USP25: variants seen among roughly 807,000 people sequenced by gnomAD.
The protein encoded by USP25 is ubiquitin specific peptidase 25, also known as ubiquitin carboxyl-terminal hydrolase 25.
In USP25, 85 loss-of-function variants were observed where a neutral mutation model predicts 158.5. The observed-to-expected ratio is 0.54, with a 90% CI of 0.45 to 0.64. USP25 has a LOEUF of 0.64. USP25 is among the 30% of genes least tolerant of loss of function. The pLI is 0.00. For missense variants in USP25, 1,242 were observed against 1,327.3 expected, an observed-to-expected ratio of 0.94 and a Z score of 1.00; for synonymous variants, 464 against 460.4, an observed-to-expected ratio of 1.01 and a Z score of -0.10.
chr21:15,827,212 T>G lies in USP25; in HGVS notation c.1693+9T>G, dbSNP rs762633516. On this transcript the variant is annotated intron_variant, in intron 14 of 25. Transcript: ENST00000400183. ...AGAAAATGACACCAGAGGTAAGAAG[T>G]GTCTCATAGCATGGTTACTGTCACC... is the stretch of plus-strand genomic sequence containing the variant. The G allele has an allele frequency of 6.2e-7, 1 of 1,609,236 alleles. No homozygotes were observed. The highest frequency in any genetic ancestry group is 8.5e-7 in the Non-Finnish European group (1 of 1,175,868).
chr21:15,800,409 TA>T (rs1378397412), intron 6 of USP25, among the ~76,000 whole-genome samples: 6 of 151,138 alleles, frequency 4.0e-5, no homozygotes, highest in African/African-American at 1.5e-4. Flanking sequence ...TCATATATAA[TA>T]ATAGTAATTA....
intron 17 of USP25, among the ~76,000 whole-genome samples, chr21:15,838,596 C>T (rs1195573172): frequency 1.3e-5 from 2 of 152,124 alleles, no homozygotes; most frequent in Non-Finnish European, 2.9e-5. Flanking sequence ...CTAAGCGTGG[C>T]TCTTTGTAGG....
rs921776401 is a variant in USP25 at position 15,730,301 on chromosome 21, C to T, written c.-93C>T. ...GTCCTCCCAGGCCGTCCGCGCCGCT[C>T]CCTGGAGCTCGGCGGAGCGCGGCAG... is the stretch of plus-strand genomic sequence containing the variant. On this transcript the variant is annotated 5_prime_UTR_variant, in exon 1 of 26. Transcript: ENST00000400183. 9.0e-5 allele frequency: 91 copies of T among 1,011,892 alleles called. No homozygotes were observed. Among genetic ancestry groups the T allele is most frequent in the Non-Finnish European group, 1.1e-4 (90 of 848,348 alleles). 62.7% of individuals were successfully genotyped at this position (1,011,892 alleles called of 1,614,324 possible).
At chr21:15,858,705 G>T (rs2039276113) in intron 20 of USP25, among the ~76,000 whole-genome samples, 1 of 151,908 alleles carries the variant, frequency 6.6e-6, no homozygotes, top group African/African-American at 2.4e-5. Flanking sequence ...TGAAATAATG[G>T]TAGTAGGTGC....
intron 4 of USP25, among the ~76,000 whole-genome samples, chr21:15,779,012 A>G (rs1189412857): frequency 3.3e-5 from 5 of 152,132 alleles, no homozygotes; most frequent in Admixed American, 1.3e-4. Context: ...AGAGATTACT[A>G]TATGGTAGGA....
chr21:15,805,863 G>A (rs953854244), intron 7 of USP25, among the ~76,000 whole-genome samples: 2 of 152,162 alleles, frequency 1.3e-5, no homozygotes, highest in Non-Finnish European at 2.9e-5. Context: ...AAAGATAGCG[G>A]CAATGTGTAA....
intron 7 of USP25, among the ~76,000 whole-genome samples, chr21:15,806,201 A>G (rs1304737618): frequency 6.6e-6 from 1 of 152,204 alleles, no homozygotes; most frequent in African/African-American, 2.4e-5. Context: ...CACTAACACA[A>G]ATCAAAAGAA....
In USP25 at chr21:15,826,967, T is replaced by G; in HGVS notation, c.1467-10T>G. 13 of 1,612,476 alleles carry G rather than the reference T, an allele frequency of 8.1e-6. No individual in the cohort carries two copies. Among genetic ancestry groups the G allele is most frequent in the Non-Finnish European group, 1.1e-5 (13 of 1,179,884 alleles). ...AAGGTTAATAAGAAATACTCTATGC[T>G]TTGATACAGCACAACAGAACAACAG... On this transcript the variant is annotated splice_polypyrimidine_tract_variant and intron_variant, in intron 13 of 25. Transcript: ENST00000400183. This position sits in a 1 kb window ranked among gnomAD's most constrained non-coding sequence, Gnocchi z 4.8.
At chr21:15,820,774 C>T (rs566897174) in intron 10 of USP25, among the ~76,000 whole-genome samples, 2 of 151,812 alleles carry the variant, frequency 1.3e-5, no homozygotes, top group Non-Finnish European at 2.9e-5. Context: ...TAGCTTTTTC[C>T]TCAATCTATT....
chr21:15,806,796 A>T (rs1294425922), intron 7 of USP25, among the ~76,000 whole-genome samples: 1 of 152,174 alleles, frequency 6.6e-6, no homozygotes, highest in African/African-American at 2.4e-5. Flanking sequence ...TGATTTTTTT[A>T]AAAGTGAATT....
At chr21:15,878,030 G>A (rs772685469) in intron 25 of USP25, 39 bp downstream of exon 25, 38 of 1,495,596 alleles carry the variant, frequency 2.5e-5, no homozygotes, top group South Asian at 5.0e-5. Context: ...TGAGATGTCC[G>A]GATTAAATGC....
chr21:15,838,567 A>G (rs1223539476), intron 17 of USP25, among the ~76,000 whole-genome samples: 1 of 152,130 alleles, frequency 6.6e-6, no homozygotes, highest in African/African-American at 2.4e-5. Flanking sequence ...AAATTCCACC[A>G]GCGATTCTAT....
At chr21:15,854,077 G>A (rs1257704272) in intron 20 of USP25, among the ~76,000 whole-genome samples, 1 of 152,008 alleles carries the variant, frequency 6.6e-6, no homozygotes, top group Non-Finnish European at 1.5e-5. Context: ...ATTAGATATA[G>A]TATTTTTAAA....
chr21:15,866,202 A>T (rs985894210), intron 21 of USP25, 64 bp from the exon 22 acceptor site: 12 of 895,602 alleles, frequency 1.3e-5, no homozygotes, highest in Middle Eastern at 3.9e-4. Context: ...TTGATTTACA[A>T]ATATATATAT....
chr21:15,874,313 G>A (rs2040013151), intron 23 of USP25, 90 bp from the exon 24 acceptor site: 1 of 1,173,524 alleles, frequency 8.5e-7, no homozygotes, highest in Admixed American at 2.5e-5. Flanking sequence ...CAAAACTTAA[G>A]CATATACTTA....
intron 17 of USP25, among the ~76,000 whole-genome samples, chr21:15,837,478 A>G (rs2038112541): frequency 6.6e-6 from 1 of 152,210 alleles, no homozygotes; most frequent in Admixed American, 6.5e-5. Flanking sequence ...AAGGCCACTT[A>G]AGAGACACTG....
At chr21:15,805,646 A>G (rs535744676) in intron 7 of USP25, 1 of 154,242 alleles carries the variant, frequency 6.5e-6, no homozygotes, top group East Asian at 1.9e-4. Flanking sequence ...TATCTTTGTT[A>G]TTGTTGCTTT....
At chr21:15,842,043 A>C (rs578224448) in intron 17 of USP25, among the ~76,000 whole-genome samples, 1 of 152,186 alleles carries the variant, frequency 6.6e-6, no homozygotes, top group Admixed American at 6.5e-5. Flanking sequence ...TGTGCACTCT[A>C]TGGAAAGTCA....
intron 20 of USP25, 60 bp from the exon 21 acceptor site, chr21:15,864,208 G>T: frequency 9.2e-6 from 13 of 1,420,468 alleles, no homozygotes; most frequent in East Asian, 2.4e-5. Flanking sequence ...TCATAATATT[G>T]AAGGATTTTT....
Sources: gnomAD v4.1 joint callset for allele counts (sites outside exome capture counted in the v4.1 genomes callset) on GRCh38, gnomAD v4.1.1 for gene constraint, Gnocchi (gnomAD v3.1) non-coding constraint, MANE v1.5 for transcripts, NCBI Gene and HGNC (gene_info 2026-07-23, HGNC 2026-07-21) for gene names.